The following CD58 variants were observed in gnomAD, a reference collection of about 807,000 sequenced individuals.
CD58 encodes CD58 molecule.
Under a neutral mutation model 27.6 loss-of-function variants are expected in CD58, and 14 were observed. The ratio of observed to expected loss-of-function variants is 0.51; its 90% confidence interval spans 0.34 to 0.79. CD58 has a LOEUF of 0.79. Among genes scored for constraint, CD58 ranks in the 30% least tolerant of loss-of-function variants. The pLI is 0.02. For synonymous variants in CD58, 117 were observed against 103.8 expected, an observed-to-expected ratio of 1.13 and a Z score of -0.77; for missense variants, 268 against 301.7, an observed-to-expected ratio of 0.89 and a Z score of 0.83.
At chr1:116,540,236 G>A (rs1657948166) in intron 2 of CD58, among the ~76,000 whole-genome samples, 1 of 151,930 alleles carries the variant, frequency 6.6e-6, no homozygotes, top group African/African-American at 2.4e-5. Flanking sequence ...AAATCCCCCT[G>A]TCCAAAATAT....
At position 116,523,637 on chromosome 1, in the gene CD58, C is replaced by T. The variant is rs567180302; in HGVS notation, c.629-1654G>A. Among the ~76,000 whole-genome samples the T allele has an allele frequency of 6.6e-6, 1 of 152,274 alleles. No individual in the cohort carries two copies. The highest frequency in any genetic ancestry group is 1.9e-4 in the East Asian group (1 of 5,178). On this transcript the variant is annotated intron_variant, in intron 3 of 5. Coordinates refer to ENST00000369489, the MANE Select transcript of CD58 (RefSeq NM_001779.3). This position sits in a 1 kb window ranked among gnomAD's most constrained non-coding sequence, Gnocchi z 4.4. ...GTGTTTGTATACTTCCCTTAGGTGGCATACGATGCCTGGTTGCTTTTCTTT... is the reference window on the plus strand; with the variant it reads ...GTGTTTGTATACTTCCCTTAGGTGGTATACGATGCCTGGTTGCTTTTCTTT...
intron 1 of CD58, among the ~76,000 whole-genome samples, chr1:116,544,997 G>GTTT (rs1011257595): frequency 3.3e-5 from 5 of 152,330 alleles, no homozygotes; most frequent in Admixed American, 6.5e-5. Flanking sequence ...AATCACTGAA[G>GTTT]GATAAAAGGC....
At chr1:116,554,078 C>A (rs1448577599) in intron 1 of CD58, among the ~76,000 whole-genome samples, 1 of 152,180 alleles carries the variant, frequency 6.6e-6, no homozygotes, top group Non-Finnish European at 1.5e-5. Flanking sequence ...TTTGCTTATG[C>A]TCTAAAAGAA....
intron 4 of CD58, among the ~76,000 whole-genome samples, chr1:116,520,927 T>C (rs557248662): frequency 3.3e-5 from 5 of 152,344 alleles, no homozygotes; most frequent in African/African-American, 4.8e-5. Context: ...AATAGTCTAG[T>C]TCTGCACTGA....
At chr1:116,542,665 C>T (rs1256461266) in intron 2 of CD58, among the ~76,000 whole-genome samples, 1 of 152,102 alleles carries the variant, frequency 6.6e-6, no homozygotes, top group Non-Finnish European at 1.5e-5. Flanking sequence ...GGGGGAAATT[C>T]TCATCAGGAG....
chr1:116,569,306 G>A (rs1451039590), intron 1 of CD58, among the ~76,000 whole-genome samples: 2 of 152,184 alleles, frequency 1.3e-5, no homozygotes, highest in Non-Finnish European at 2.9e-5. Flanking sequence ...TGGCCTCCCT[G>A]CCTCCAATTC....
At position 116,534,466 on chromosome 1, in the gene CD58, C is replaced by A. The variant is rs569017588; in HGVS notation, c.628+1499G>T. 2.0e-5 allele frequency among the ~76,000 whole-genome samples: 3 copies of A among 152,294 alleles called. No individual in the cohort carries two copies. The highest frequency in any genetic ancestry group is 7.2e-5 in the African/African-American group (3 of 41,566). On this transcript the variant is annotated intron_variant, in intron 3 of 5. Transcript: ENST00000369489. The surrounding 1 kb of genome is among the most constrained non-coding windows in gnomAD (Gnocchi z 5.3). ...GGGTACGCGGGGCTGGCTGGGCTAG[C>A]GGGAGATTTGAGCTGCCAGCCCCCA...
In CD58 at chr1:116,563,673, T is replaced by C. The variant is rs935720465; in HGVS notation, c.70+7230A>G. On this transcript the variant is annotated intron_variant, in intron 1 of 5. Transcript: ENST00000369489. This position sits in a 1 kb window ranked among gnomAD's most constrained non-coding sequence, Gnocchi z 4.1. ...CTCTGAAGCAACAGCCTGAGTGGTA[T>C]GTTGGCCCCTTTTAGCCATGGCTGG... Among the ~76,000 whole-genome samples, 2 of 152,214 alleles carry C rather than the reference T, an allele frequency of 1.3e-5. No individual in the cohort carries two copies. The highest frequency in any genetic ancestry group is 2.4e-5 in the African/African-American group (1 of 41,470).
At chr1:116,533,962 C>T in intron 3 of CD58, 1 of 1,427,380 alleles carries the variant, frequency 7.0e-7, no homozygotes, top group South Asian at 1.2e-5. Context: ...ATTGTCAAGT[C>T]GCTCCTGTAA....
intron 5 of CD58, chr1:116,518,862 C>T (rs559155884): frequency 3.6e-6 from 4 of 1,097,618 alleles, no homozygotes; most frequent in African/African-American, 1.6e-5. Flanking sequence ...TAGTGGTTAA[C>T]AGTATAACTC....
chr1:116,529,204 C>A (rs894248887), intron 3 of CD58, among the ~76,000 whole-genome samples: 1 of 152,192 alleles, frequency 6.6e-6, no homozygotes, highest in Non-Finnish European at 1.5e-5. Flanking sequence ...TCTCAATTTT[C>A]TAATCTGTAT....
chr1:116,525,288 A>G (rs1456328598), intron 3 of CD58, among the ~76,000 whole-genome samples: 1 of 152,216 alleles, frequency 6.6e-6, no homozygotes, highest in Non-Finnish European at 1.5e-5. Flanking sequence ...AAATTTGCAT[A>G]GCATGTAGCC....
In CD58 at chr1:116,528,639, T is replaced by A. The variant is rs1657499067; in HGVS notation, c.629-6656A>T. Reference sequence around the variant, plus strand: ...CTAGGCTCCCATTTAGAGTTCTGTGTCAATGTGGAGGGTGTTACAATCATC... The same window carrying A: ...CTAGGCTCCCATTTAGAGTTCTGTGACAATGTGGAGGGTGTTACAATCATC... On this transcript the variant is annotated intron_variant, in intron 3 of 5. Coordinates refer to ENST00000369489, the MANE Select transcript of CD58 (RefSeq NM_001779.3). The surrounding 1 kb of genome is among the most constrained non-coding windows in gnomAD (Gnocchi z 4.4). Among the ~76,000 whole-genome samples, 1 of 152,240 alleles carries A rather than the reference T, an allele frequency of 6.6e-6. No homozygotes were observed. Among genetic ancestry groups the A allele is most frequent in the Non-Finnish European group, 1.5e-5 (1 of 68,040 alleles).
intron 2 of CD58, among the ~76,000 whole-genome samples, chr1:116,539,256 G>C (rs1657914419): frequency 1.3e-5 from 2 of 152,286 alleles, no homozygotes; most frequent in Admixed American, 6.5e-5. Flanking sequence ...TATGTGATAT[G>C]ATGAGAAGAG....
Position 116,532,799 on chromosome 1 carries a change from G to T in CD58, c.628+3166C>A. Reference sequence around the variant, plus strand: ...ATAAGGAAAAAGGAAAAGTGAAAGTGAAAATCATGCACTTGAAAACGATTA... The same window carrying T: ...ATAAGGAAAAAGGAAAAGTGAAAGTTAAAATCATGCACTTGAAAACGATTA... On this transcript the variant is annotated intron_variant, in intron 3 of 5. Transcript: ENST00000369489. The surrounding 1 kb of genome is among the most constrained non-coding windows in gnomAD (Gnocchi z 5.1). 3.8e-6 allele frequency: 2 copies of T among 528,974 alleles called. No individual in the cohort carries two copies. Among genetic ancestry groups the T allele is most frequent in the East Asian group, 7.3e-5 (2 of 27,450 alleles). 32.8% of individuals were successfully genotyped at this position (528,974 alleles called of 1,614,324 possible). A position where few individuals can be genotyped will look rare whatever the true frequency, so the allele number is the denominator to read the frequency against.
chr1:116,522,021 A>G lies in CD58; in HGVS notation c.629-38T>C, dbSNP rs1657277456. 8.7e-7 allele frequency: 1 copy of G among 1,150,350 alleles called. No individual in the cohort carries two copies. The highest frequency in any genetic ancestry group is 1.3e-5 in the South Asian group (1 of 74,646). 71.3% of individuals were successfully genotyped at this position (1,150,350 alleles called of 1,614,324 possible). Reference sequence around the variant, plus strand: ...AAAGAAAAGAAATTCAACTAGTTGAACTGATCAAAATGGATCCTCATTATT... The same window carrying G: ...AAAGAAAAGAAATTCAACTAGTTGAGCTGATCAAAATGGATCCTCATTATT... On this transcript the variant is annotated intron_variant, in intron 3 of 5. Coordinates refer to ENST00000369489, the MANE Select transcript of CD58 (RefSeq NM_001779.3). This position sits in a 1 kb window ranked among gnomAD's most constrained non-coding sequence, Gnocchi z 4.6.
chr1:116,536,855 G>A lies in CD58; in HGVS notation c.365-627C>T, dbSNP rs1657826903. Among the ~76,000 whole-genome samples, 1 of 152,154 alleles carries A rather than the reference G, an allele frequency of 6.6e-6. No individual in the cohort carries two copies. Among genetic ancestry groups the A allele is most frequent in the Non-Finnish European group, 1.5e-5 (1 of 68,026 alleles). On this transcript the variant is annotated intron_variant, in intron 2 of 5. Coordinates refer to ENST00000369489, the MANE Select transcript of CD58 (RefSeq NM_001779.3). This position sits in a 1 kb window ranked among gnomAD's most constrained non-coding sequence, Gnocchi z 5.4. ...GAAGCCAAAAGAGTCTTCGCAAGTT[G>A]GTAGCAAAATCGTTTAGCTGCAAAT... is the stretch of plus-strand genomic sequence containing the variant.
rs555699108 is a variant in CD58, at chr1:116,516,212, T to C, written c.744-1390A>G. Among the ~76,000 whole-genome samples, 8 of 152,278 alleles carry C rather than the reference T, an allele frequency of 5.3e-5. No homozygotes were observed. The highest frequency in any genetic ancestry group is 1.9e-4 in the African/African-American group (8 of 41,558). The stretch of plus-strand genomic sequence containing the variant: ...CCCAGCTTCATAACCCTTTAGTAAC[T>C]GAGCTTAGAGAATTCCCCCTGCTGC... On this transcript the variant is annotated intron_variant, in intron 5 of 5. Coordinates refer to ENST00000369489, the MANE Select transcript of CD58 (RefSeq NM_001779.3). This position sits in a 1 kb window ranked among gnomAD's most constrained non-coding sequence, Gnocchi z 6.1.
rs1449481585 is a variant in CD58, at chr1:116,517,149, G to T, written c.743+2082C>A. 1.3e-5 allele frequency among the ~76,000 whole-genome samples: 2 copies of T among 151,696 alleles called. No homozygotes were observed. Among genetic ancestry groups the T allele is most frequent in the Non-Finnish European group, 1.5e-5 (1 of 67,976 alleles). ...AGTTCCCCTCCACTGTAACCACCTAGATCTCAGCAGAGACCTGACTTGGCT... is the reference window on the plus strand; with the variant it reads ...AGTTCCCCTCCACTGTAACCACCTATATCTCAGCAGAGACCTGACTTGGCT... On this transcript the variant is annotated intron_variant, in intron 5 of 5. Coordinates refer to ENST00000369489, the MANE Select transcript of CD58 (RefSeq NM_001779.3). This position sits in a 1 kb window ranked among gnomAD's most constrained non-coding sequence, Gnocchi z 6.5.
Sources: allele counts gnomAD v4.1 joint callset (sites outside exome capture counted in the v4.1 genomes callset), GRCh38; gene constraint gnomAD v4.1.1; non-coding constraint Gnocchi (gnomAD v3.1); transcripts MANE v1.5; gene names NCBI Gene and HGNC (gene_info 2026-07-23, HGNC 2026-07-21).